ATP2A1: variants seen among roughly 807,000 people sequenced by gnomAD.
ATP2A1 encodes the protein sarcoplasmic/endoplasmic reticulum calcium ATPase 1.
Under a neutral mutation model 109.5 loss-of-function variants are expected in ATP2A1, and 83 were observed. The observed-to-expected ratio is 0.76, with a 90% CI of 0.63 to 0.91. The LOEUF is 0.91. ATP2A1 is among the 40% of genes least tolerant of loss of function. The pLI is 0.00. For synonymous variants in ATP2A1, 505 were observed against 537.6 expected (o/e 0.94, Z 0.84); for missense variants, 1,101 against 1,341.0 (o/e 0.82, Z 2.80).
At chr16:28,894,023 G>A in intron 9 of ATP2A1, 132 bp from the exon 10 acceptor site, 1 of 727,314 alleles carries the variant, frequency 1.4e-6, no homozygotes, top group Non-Finnish European at 2.4e-6. Context: ...TATACGGGGG[G>A]GATGAGGAGG....
At position 28,904,132 on chromosome 16, in the gene ATP2A1, T is replaced by C. The variant is rs73529530; in HGVS notation, c.*38-48T>C. The C allele has an allele frequency of 6.4e-3, 9,821 of 1,538,144 alleles. 457 individuals carry two copies. The African/African-American group carries it at 0.11, about 17-fold the overall frequency. On this transcript the variant is annotated intron_variant, in intron 22 of 22. Coordinates refer to ENST00000395503, the MANE Select transcript of ATP2A1 (RefSeq NM_004320.6). ...CTGGGAGATGCACCTGGGAGGGACC[T>C]CGCTGCCCTCCTGCCGCCTGCCTCA... is the stretch of plus-strand genomic sequence containing the variant.
intron 12 of ATP2A1, among the ~76,000 whole-genome samples, chr16:28,895,706 A>AT (rs1372884939): frequency 6.6e-6 from 1 of 151,876 alleles, no homozygotes; most frequent in Non-Finnish European, 1.5e-5. Context: ...AGAAAAAAAA[A>AT]AGAAAAAAAT....
chr16:28,889,038 C>T, intron 9 of ATP2A1, 85 bp downstream of exon 9: 2 of 1,557,790 alleles, frequency 1.3e-6, no homozygotes, highest in South Asian at 2.2e-5. Context: ...GGTCTCCCTT[C>T]ATCACTGCTG....
chr16:28,893,790 C>T (rs543496548), intron 9 of ATP2A1, among the ~76,000 whole-genome samples: 1 of 151,742 alleles, frequency 6.6e-6, no homozygotes, highest in Non-Finnish European at 1.5e-5. Context: ...GCTGGGATTA[C>T]AGGCGCGCAC....
In ATP2A1 at chr16:28,902,656, C is replaced by T. The variant is rs1326029157; in HGVS notation, c.2601C>T (p.Tyr867=). The T allele has an allele frequency of 3.7e-6, 6 of 1,613,968 alleles. No homozygotes were observed. Among genetic ancestry groups the T allele is most frequent in the African/African-American group, 2.7e-5 (2 of 74,920 alleles). Residue 867 remains tyrosine, a synonymous_variant, in exon 18 of 23, where the codon TAC becomes TAT. Coordinates refer to ENST00000395503, the MANE Select transcript of ATP2A1 (RefSeq NM_004320.6). This position sits in a 1 kb window ranked among gnomAD's most constrained non-coding sequence, Gnocchi z 4.8. ...CTGAGGATGGGCCTCATGTCAACTACAGCCAGCTGGTAGGGGGAGGCCACA... is the reference window on the plus strand; with the variant it reads ...CTGAGGATGGGCCTCATGTCAACTATAGCCAGCTGGTAGGGGGAGGCCACA... The part of the protein sequence containing the change: ...LYAEDGPHVN[Y]SQLTHFMQCT...
Position 28,903,927 on chromosome 16 carries a change from C to A in ATP2A1, c.*37+186C>A. The A allele has an allele frequency of 1.3e-6, 1 of 753,042 alleles. No individual in the cohort carries two copies. Among genetic ancestry groups the A allele is most frequent in the Non-Finnish European group, 2.3e-6 (1 of 433,564 alleles). 46.6% of individuals were successfully genotyped at this position (753,042 alleles called of 1,614,324 possible). A position where few individuals can be genotyped will look rare whatever the true frequency, so the allele number is the denominator to read the frequency against. ...CTCCCACTGGGCGTCAGTTTGGCTC[C>A]CAGGCCCTGGGCAGTGCCAGCCTCT... On this transcript the variant is annotated intron_variant, in intron 22 of 22. Coordinates refer to ENST00000395503, the MANE Select transcript of ATP2A1 (RefSeq NM_004320.6). The surrounding 1 kb of genome is among the most constrained non-coding windows in gnomAD (Gnocchi z 5.6).
chr16:28,903,451 C>A lies in ATP2A1; in HGVS notation c.2980+11C>A, dbSNP rs757100900. On this transcript the variant is annotated intron_variant, in intron 21 of 22. Coordinates refer to ENST00000395503, the MANE Select transcript of ATP2A1 (RefSeq NM_004320.6). The surrounding 1 kb of genome is among the most constrained non-coding windows in gnomAD (Gnocchi z 5.6). ...GGAACTACCTAGAGGGTAAGGAGTGCCCTCTCTGTCCCAAGCCCTGGCCCC... is the reference window on the plus strand; with the variant it reads ...GGAACTACCTAGAGGGTAAGGAGTGACCTCTCTGTCCCAAGCCCTGGCCCC... 1.2e-6 allele frequency: 2 copies of A among 1,603,862 alleles called. No individual in the cohort carries two copies. The highest frequency in any genetic ancestry group is 2.2e-5 in the South Asian group (2 of 90,912).
chr16:28,904,353 G>A lies in ATP2A1; in HGVS notation c.*211G>A, dbSNP rs1026173184. 3.9e-6 allele frequency: 6 copies of A among 1,544,448 alleles called. No individual in the cohort carries two copies. Among genetic ancestry groups the A allele is most frequent in the African/African-American group, 1.4e-5 (1 of 73,120 alleles). The stretch of plus-strand genomic sequence containing the variant: ...CCCTTTCCTTCCCCCTCGGCCACCC[G>A]CCTCCCTCTCAACCTTGTAAATTCC... On this transcript the variant is annotated 3_prime_UTR_variant, in exon 23 of 23. Transcript: ENST00000395503.
chr16:28,892,361 T>G, intron 9 of ATP2A1: 1 of 401,262 alleles, frequency 2.5e-6, no homozygotes, highest in Non-Finnish European at 5.1e-6. Context: ...TTCACAGAGT[T>G]TTGTGGAAGA....
In ATP2A1 at chr16:28,888,949, G is replaced by A; in HGVS notation, c.1091G>A (p.Cys364Tyr). Reference sequence around the variant, plus strand: ...CTCACCACCAACCAGATGTCTGTCTGCAAGGTCAGGAGCAGTGTGGGCAGC... The same window carrying A: ...CTCACCACCAACCAGATGTCTGTCTACAAGGTCAGGAGCAGTGTGGGCAGC... Reference protein sequence around the residue: ...GTLTTNQMSVCKMFIIDKVDG... With the variant: ...GTLTTNQMSVYKMFIIDKVDG... The change falls in exon 9 of 23, where the codon TGC becomes TAC. Residue 364 changes from cysteine to tyrosine, a missense_variant. Cys to Tyr is a radical substitution (Grantham distance 194). Coordinates refer to ENST00000395503, the MANE Select transcript of ATP2A1 (RefSeq NM_004320.6). 6.2e-7 allele frequency: 1 copy of A among 1,614,126 alleles called. No individual in the cohort carries two copies. Among genetic ancestry groups the A allele is most frequent in the Non-Finnish European group, 8.5e-7 (1 of 1,180,008 alleles).
At position 28,887,211 on chromosome 16, in the gene ATP2A1, A is replaced by T. The variant is rs772654078; in HGVS notation, c.567A>T (p.Lys189Asn). The change falls in exon 7 of 23, where the codon AAA becomes AAT. Residue 189 changes from lysine (K) to asparagine (N), a missense_variant. By Grantham distance (94) the Lys-to-Asn change is moderately conservative. Coordinates refer to ENST00000395503, the MANE Select transcript of ATP2A1 (RefSeq NM_004320.6). ...CAGGCGAGTCTGTATCTGTCATCAAACACACGGAGCCCGTTCCTGACCCCC... is the reference window on the plus strand; with the variant it reads ...CAGGCGAGTCTGTATCTGTCATCAATCACACGGAGCCCGTTCCTGACCCCC... ...ILTGESVSVI[K>N]HTEPVPDPRA... is the part of the protein sequence containing the mutation. 1.2e-6 allele frequency: 2 copies of T among 1,613,670 alleles called. No homozygotes were observed. Among genetic ancestry groups the T allele is most frequent in the Non-Finnish European group, 8.5e-7 (1 of 1,179,962 alleles).
chr16:28,880,178 G>C lies in ATP2A1; in HGVS notation c.219+595G>C. ...GCGCTCCCTAGGCACCCCCACCCCC[G>C]CAGGGCATCTCCAGGGCTCTGCCTC... is the stretch of plus-strand genomic sequence containing the variant. On this transcript the variant is annotated intron_variant, in intron 3 of 22. Coordinates refer to ENST00000395503, the MANE Select transcript of ATP2A1 (RefSeq NM_004320.6). The surrounding 1 kb of genome is among the most constrained non-coding windows in gnomAD (Gnocchi z 4.2). 2.1e-6 allele frequency: 2 copies of C among 970,170 alleles called. No homozygotes were observed. Among genetic ancestry groups the C allele is most frequent in the Non-Finnish European group, 2.5e-6 (2 of 814,874 alleles). The allele number at this position is 970,170 out of a possible 1,614,324, so 60.1% of individuals were successfully genotyped here.
intron 9 of ATP2A1, among the ~76,000 whole-genome samples, chr16:28,893,267 T>C (rs966638638): frequency 1.3e-5 from 2 of 148,906 alleles, no homozygotes; most frequent in East Asian, 3.9e-4. Context: ...GAGACAGGCA[T>C]GGTGGCATGT....
intron 5 of ATP2A1, among the ~76,000 whole-genome samples, 160 bp from the exon 6 acceptor site, chr16:28,884,415 C>A (rs376961231): frequency 2.0e-5 from 3 of 152,154 alleles, no homozygotes; most frequent in African/African-American, 7.2e-5. Context: ...GGGTTGCCAG[C>A]TTCAGGAGCT....
At chr16:28,895,429 G>A (rs1408777301) in intron 12 of ATP2A1, among the ~76,000 whole-genome samples, 3 of 152,106 alleles carry the variant, frequency 2.0e-5, no homozygotes, top group Admixed American at 6.6e-5. Context: ...CTTGCTGAAC[G>A]TCTCCATTAA....
At position 28,903,816 on chromosome 16, in the gene ATP2A1, G is replaced by T; in HGVS notation, c.*37+75G>T. 1.5e-6 allele frequency: 2 copies of T among 1,343,518 alleles called. No individual in the cohort carries two copies. The highest frequency in any genetic ancestry group is 4.6e-5 in the East Asian group (2 of 43,626). The allele number at this position is 1,343,518 out of a possible 1,614,324, so 83.2% of individuals were successfully genotyped here. On this transcript the variant is annotated intron_variant, in intron 22 of 22. Coordinates refer to ENST00000395503, the MANE Select transcript of ATP2A1 (RefSeq NM_004320.6). The surrounding 1 kb of genome is among the most constrained non-coding windows in gnomAD (Gnocchi z 5.6). Reference sequence around the variant, plus strand: ...GCGCCCCCTCAGCCCCTTGCGCGTCGCATCCAAGGTCACTTGTGCTCGCAG... The same window carrying T: ...GCGCCCCCTCAGCCCCTTGCGCGTCTCATCCAAGGTCACTTGTGCTCGCAG...
At chr16:28,900,507 C>T (rs902051287) in intron 14 of ATP2A1, 74 bp from the exon 15 acceptor site, 14 of 1,343,730 alleles carry the variant, frequency 1.0e-5, no homozygotes, top group Admixed American at 2.4e-5. Context: ...CCCATCCCCA[C>T]CCCCCACCAG....
chr16:28,890,833 G>A (rs951928430), intron 9 of ATP2A1, among the ~76,000 whole-genome samples: 9 of 151,952 alleles, frequency 5.9e-5, no homozygotes, highest in East Asian at 3.9e-4. Flanking sequence ...CTACAGGCAC[G>A]CACCATCACA....
chr16:28,894,082 C>A, intron 9 of ATP2A1, 73 bp from the exon 10 acceptor site: 1 of 1,351,004 alleles, frequency 7.4e-7, no homozygotes, highest in South Asian at 1.2e-5. Flanking sequence ...CAGTGCAGGC[C>A]TCCCTTGATG....
Sources: gnomAD v4.1 joint callset for allele counts (sites outside exome capture counted in the v4.1 genomes callset) on GRCh38, gnomAD v4.1.1 for gene constraint, Gnocchi (gnomAD v3.1) non-coding constraint, MANE v1.5 for transcripts, NCBI Gene and HGNC (gene_info 2026-07-23, HGNC 2026-07-21) for gene names.